The following SLC29A1 variants were observed in gnomAD, a reference collection of about 807,000 sequenced individuals.
SLC29A1 encodes solute carrier family 29 member 1 (Augustine blood group).
A neutral mutation model predicts 48.3 loss-of-function variants in SLC29A1; 22 were observed. That is an observed-to-expected ratio of 0.46 (90% CI 0.33 to 0.65). The LOEUF is 0.65. Among genes scored for constraint, SLC29A1 ranks in the 30% least tolerant of loss-of-function variants. SLC29A1 has a pLI of 0.03. For synonymous variants in SLC29A1, 228 were observed against 231.0 expected (o/e 0.99, Z 0.12); for missense variants, 491 against 575.3 (o/e 0.85, Z 1.50).
chr6:44,230,067 G>C (rs748226104), intron 5 of SLC29A1, 21 bp downstream of exon 5: 69 of 1,602,678 alleles, frequency 4.3e-5, no homozygotes, highest in Non-Finnish European at 5.7e-5. Context: ...CCAGGAGGGG[G>C]CCTATGGGAG....
chr6:44,224,871 G>T (rs903886543), intron 1 of SLC29A1, among the ~76,000 whole-genome samples: 6 of 152,306 alleles, frequency 3.9e-5, no homozygotes, highest in African/African-American at 1.4e-4. Context: ...CTGGGCAAAG[G>T]CAGACAAAAG....
Position 44,233,596 on chromosome 6 carries a change from G to T in SLC29A1, c.*68G>T, listed in dbSNP as rs960203143. ...CCTCCTGCCCCTTCCTTCTGCCAGG[G>T]GTGATCCTGAGTGGTCTGGCGGTTT... On this transcript the variant is annotated 3_prime_UTR_variant, in exon 13 of 13. Transcript: ENST00000371755. 1.7e-5 allele frequency: 22 copies of T among 1,312,740 alleles called. No individual in the cohort carries two copies. The highest frequency in any genetic ancestry group is 2.3e-5 in the Non-Finnish European group (21 of 907,496). The allele number at this position is 1,312,740 out of a possible 1,614,324, so 81.3% of individuals were successfully genotyped here.
At chr6:44,225,984 TG>T in intron 1 of SLC29A1, 4 of 399,160 alleles carry the variant, frequency 1.0e-5, no homozygotes, top group Non-Finnish European at 1.4e-5. Flanking sequence ...CTTCTCAGAA[TG>T]GGGCCCCATG....
chr6:44,232,448 C>T lies in SLC29A1; in HGVS notation c.1059+20C>T. On this transcript the variant is annotated intron_variant, in intron 11 of 12. Transcript: ENST00000371755. This position sits in a 1 kb window ranked among gnomAD's most constrained non-coding sequence, Gnocchi z 4.7. ...ATGTGGGTAAGTGGAGGAAGAGGGC[C>T]CCAGGCCCCTGTGGGAAGTAAGAGT... 1.9e-6 allele frequency: 3 copies of T among 1,551,772 alleles called. No homozygotes were observed. Among genetic ancestry groups the T allele is most frequent in the Non-Finnish European group, 2.7e-6 (3 of 1,124,998 alleles).
upstream of SLC29A1, chr6:44,221,694 G>A (rs1206421064): frequency 7.8e-7 from 1 of 1,276,588 alleles, no homozygotes; most frequent in Non-Finnish European, 1.0e-6. The surrounding 1 kb of genome is among the most constrained non-coding windows in gnomAD (Gnocchi z 4.2). Context: ...GTGTAAGTTG[G>A]GGCTCCCAGG....
At chr6:44,225,052 A>G (rs1325237386) in intron 1 of SLC29A1, among the ~76,000 whole-genome samples, 1 of 152,190 alleles carries the variant, frequency 6.6e-6, no homozygotes, top group Non-Finnish European at 1.5e-5. Context: ...AGCCAGTTTT[A>G]CCCAGGAGAA....
Position 44,230,833 on chromosome 6 carries a change from A to T in SLC29A1, c.710A>T (p.Gln237Leu), listed in dbSNP as rs759729365. 4 of 1,614,028 alleles carry T rather than the reference A, an allele frequency of 2.5e-6. No homozygotes were observed. The Admixed American group carries it at 6.7e-5, about 27-fold the overall frequency. Residue 237 changes from glutamine (Q) to leucine (L), a missense_variant, in exon 8 of 13, where the codon CAG (glutamine) becomes CTG (leucine). Coordinates refer to ENST00000371755, the MANE Select transcript of SLC29A1 (RefSeq NM_001372327.1). ...TAGGAATTCTACCGCTACTACCAGC[A>T]GCTCAAGCTTGAAGGACCCGGGGAG... The part of the protein sequence containing the change: ...PRLEFYRYYQ[Q>L]LKLEGPGEQE...
rs2153286980 is a variant in SLC29A1 at position 44,227,322 on chromosome 6, C to T, written c.9C>T (p.Thr3=). MT[T]SHQPQDRYKA... ...CCGAGAACACCATCACCATGACAACCAGTCACCAGCCTCAGGACAGGTAAG... is the reference window on the plus strand; with the variant it reads ...CCGAGAACACCATCACCATGACAACTAGTCACCAGCCTCAGGACAGGTAAG... Residue 3 remains threonine (T), a synonymous_variant, in exon 2 of 13, where the codon ACC becomes ACT. Coordinates refer to ENST00000371755, the MANE Select transcript of SLC29A1 (RefSeq NM_001372327.1). 1.2e-6 allele frequency: 2 copies of T among 1,614,092 alleles called. No homozygotes were observed. The highest frequency in any genetic ancestry group is 1.6e-4 in the Middle Eastern group (1 of 6,062).
In SLC29A1 at chr6:44,229,311, A is replaced by C. The variant is rs1778300969; in HGVS notation, c.30-79A>C. ...TGGGACCTAGAGAGACTGACAACGGACAGGGGCTTTCCTGGGGCTCATTGT... is the reference window on the plus strand; with the variant it reads ...TGGGACCTAGAGAGACTGACAACGGCCAGGGGCTTTCCTGGGGCTCATTGT... On this transcript the variant is annotated intron_variant, in intron 2 of 12. Transcript: ENST00000371755. This position sits in a 1 kb window ranked among gnomAD's most constrained non-coding sequence, Gnocchi z 5.1. The C allele has an allele frequency of 2.7e-6, 3 of 1,123,206 alleles. No individual in the cohort carries two copies. Among genetic ancestry groups the C allele is most frequent in the Non-Finnish European group, 4.1e-6 (3 of 732,200 alleles). The allele number at this position is 1,123,206 out of a possible 1,614,324, so 69.6% of individuals were successfully genotyped here.
intron 1 of SLC29A1, chr6:44,225,959 T>G (rs186169538): frequency 5.0e-6 from 1 of 198,778 alleles, no homozygotes; most frequent in Non-Finnish European, 9.0e-6. Flanking sequence ...TGCTTCTGCT[T>G]CTTTGCTTGC....
chr6:44,232,354 A>T lies in SLC29A1; in HGVS notation c.985A>T (p.Ile329Phe), dbSNP rs757216169. 1 of 1,612,784 alleles carries T rather than the reference A, an allele frequency of 6.2e-7. No individual in the cohort carries two copies. Among genetic ancestry groups the T allele is most frequent in the Non-Finnish European group, 8.5e-7 (1 of 1,178,826 alleles). The change falls in exon 11 of 13, where the codon ATT (isoleucine) becomes TTT (phenylalanine). Residue 329 changes from isoleucine (I) to phenylalanine (F), a missense_variant. Ile to Phe is a conservative substitution (Grantham distance 21). Coordinates refer to ENST00000371755, the MANE Select transcript of SLC29A1 (RefSeq NM_001372327.1). This position sits in a 1 kb window ranked among gnomAD's most constrained non-coding sequence, Gnocchi z 4.7. Reference sequence around the variant, plus strand: ...ATCTCCTCTTCCAGAACGTTACTTCATTCCTGTGTCCTGTTTCTTGACTTT... The same window carrying T: ...ATCTCCTCTTCCAGAACGTTACTTCTTTCCTGTGTCCTGTTTCTTGACTTT... The part of the protein sequence containing the change: ...AGSSTWERYF[I>F]PVSCFLTFNI...
chr6:44,230,560 C>A lies in SLC29A1; in HGVS notation c.590-8C>A, dbSNP rs767690715. 1.9e-6 allele frequency: 3 copies of A among 1,614,078 alleles called. No homozygotes were observed. The East Asian group carries it at 6.7e-5, about 36-fold the overall frequency. On this transcript the variant is annotated splice_region_variant and splice_polypyrimidine_tract_variant and intron_variant, in intron 6 of 12. Coordinates refer to ENST00000371755, the MANE Select transcript of SLC29A1 (RefSeq NM_001372327.1). ...GGGGCCTGTCTCTGATCACTGACACCACCCCAGGTGGCTCGGAGCTATCAG... is the reference window on the plus strand; with the variant it reads ...GGGGCCTGTCTCTGATCACTGACACAACCCCAGGTGGCTCGGAGCTATCAG...
Position 44,226,671 on chromosome 6 carries a change from A to G in SLC29A1, c.-51-592A>G, listed in dbSNP as rs1561877397. 7 of 916,296 alleles carry G rather than the reference A, an allele frequency of 7.6e-6. No individual in the cohort carries two copies. The Admixed American group carries it at 2.4e-4, about 32-fold the overall frequency. 56.8% of individuals were successfully genotyped at this position (916,296 alleles called of 1,614,324 possible). ...AGGAGAGGACAGCCCCACTCTAGCC[A>G]TGAATCCAGGGGCTCCCCAGGGAGG... On this transcript the variant is annotated intron_variant, in intron 1 of 12. Coordinates refer to ENST00000371755, the MANE Select transcript of SLC29A1 (RefSeq NM_001372327.1).
chr6:44,233,105 C>G, intron 12 of SLC29A1, 99 bp downstream of exon 12: 1 of 1,271,772 alleles, frequency 7.9e-7, no homozygotes. Flanking sequence ...AGTCCCTGCT[C>G]CCAGAGCTGA....
upstream of SLC29A1, among the ~76,000 whole-genome samples, chr6:44,222,295 A>G (rs747466682): frequency 1.1e-4 from 16 of 151,808 alleles, no homozygotes; most frequent in Non-Finnish European, 1.9e-4. Flanking sequence ...GGGAAGGAAT[A>G]TGTGTGTCAT....
Position 44,230,852 on chromosome 6 carries a change from CG to C in SLC29A1, c.733del (p.Glu245SerfsTer42). 6.2e-7 allele frequency: 1 copy of C among 1,614,066 alleles called. No individual in the cohort carries two copies. The highest frequency in any genetic ancestry group is 8.5e-7 in the Non-Finnish European group (1 of 1,180,002). Reference sequence around the variant, plus strand: ...ACCAGCAGCTCAAGCTTGAAGGACCCGGGGAGCAGGAGACCAAGTTGGACCT... The same window carrying C: ...ACCAGCAGCTCAAGCTTGAAGGACCCGGGAGCAGGAGACCAAGTTGGACCT... ...YYQQLKLEGPGEQETKLDLIS... is the reference protein window; with the variant it reads ...YYQQLKLEGPXEQETKLDLIS... On this transcript the variant is annotated frameshift_variant, in exon 8 of 13. Coordinates refer to ENST00000371755, the MANE Select transcript of SLC29A1 (RefSeq NM_001372327.1). LOFTEE classifies it high-confidence loss of function.
At chr6:44,222,797 G>A (rs1387671453), upstream of SLC29A1, among the ~76,000 whole-genome samples, 1 of 152,244 alleles carries the variant, frequency 6.6e-6, no homozygotes, top group African/African-American at 2.4e-5. Flanking sequence ...ATTCACTGAG[G>A]ATATAAGGCT....
At chr6:44,219,730 T>C (rs1438614463), upstream of SLC29A1, 2 of 1,288,072 alleles carry the variant, frequency 1.6e-6, no homozygotes, top group Admixed American at 2.3e-5. Context: ...CCCGCAGGCC[T>C]GGGAATTTCC....
chr6:44,232,818 C>T lies in SLC29A1; in HGVS notation c.1071C>T (p.Asp357=), dbSNP rs1258700882. 1.9e-6 allele frequency: 3 copies of T among 1,611,324 alleles called. No homozygotes were observed. In the Admixed American group the frequency reaches 5.0e-5, roughly 27 times the overall value. Residue 357 remains aspartate, a synonymous_variant, in exon 12 of 13, where the codon GAC becomes GAT. Coordinates refer to ENST00000371755, the MANE Select transcript of SLC29A1 (RefSeq NM_001372327.1). The surrounding 1 kb of genome is among the most constrained non-coding windows in gnomAD (Gnocchi z 4.7). The part of the protein sequence containing the change: ...LTAVFMWPGK[D]SRWLPSLVLA... The stretch of plus-strand genomic sequence containing the variant: ...CCTGGTGCCCACAGCCTGGGAAGGA[C>T]AGCCGCTGGCTGCCAAGCCTGGTGC...
Sources: gnomAD v4.1 joint callset for allele counts (sites outside exome capture counted in the v4.1 genomes callset) on GRCh38, gnomAD v4.1.1 for gene constraint, Gnocchi (gnomAD v3.1) non-coding constraint, MANE v1.5 for transcripts, NCBI Gene and HGNC (gene_info 2026-07-23, HGNC 2026-07-21) for gene names.